Variants in TRPC7 observed in about 807,000 individuals in gnomAD.
TRPC7 encodes short transient receptor potential channel 7.
A neutral mutation model predicts 90.1 loss-of-function variants in TRPC7; 42 were observed. The observed-to-expected ratio is 0.47, with a 90% CI of 0.36 to 0.60. TRPC7 has a LOEUF of 0.60. Ranked by LOEUF, TRPC7 falls within the 20% of genes least tolerant of loss-of-function variation. TRPC7 has a pLI of 0.00. For synonymous variants in TRPC7, 451 were observed against 436.3 expected (o/e 1.03, Z -0.42); for missense variants, 955 against 1,112.3 (o/e 0.86, Z 2.01).
At chr5:136,279,940 G>A (rs1357427498) in intron 3 of TRPC7, among the ~76,000 whole-genome samples, 1 of 152,010 alleles carries the variant, frequency 6.6e-6, no homozygotes, top group Non-Finnish European at 1.5e-5. Context: ...ATCACTTGAG[G>A]TCAGGAATTC....
chr5:136,225,419 C>T (rs1755593974), intron 9 of TRPC7, 65 bp from the exon 10 acceptor site: 7 of 1,472,402 alleles, frequency 4.8e-6, no homozygotes, highest in Non-Finnish European at 6.5e-6. Flanking sequence ...CTACATATCT[C>T]GTAGGACTTG....
chr5:136,327,993 A>G (rs1759394881), intron 2 of TRPC7, among the ~76,000 whole-genome samples: 1 of 152,244 alleles, frequency 6.6e-6, no homozygotes, highest in Non-Finnish European at 1.5e-5. Context: ...GTTATGGCAG[A>G]TGAAAATTGA....
chr5:136,220,007 C>T (rs373695483), intron 10 of TRPC7, among the ~76,000 whole-genome samples: 8 of 152,316 alleles, frequency 5.3e-5, no homozygotes, highest in South Asian at 2.1e-4. Context: ...GTGACGATTT[C>T]ATGGACATTT....
chr5:136,292,413 GA>G, intron 3 of TRPC7, among the ~76,000 whole-genome samples: 1 of 152,144 alleles, frequency 6.6e-6, no homozygotes, highest in East Asian at 1.9e-4. Flanking sequence ...TAATAAAGAA[GA>G]AAAGAGAGAA....
At chr5:136,346,234 T>C (rs546611519) in intron 2 of TRPC7, among the ~76,000 whole-genome samples, 3 of 151,998 alleles carry the variant, frequency 2.0e-5, no homozygotes, top group Admixed American at 2.0e-4. Context: ...TGTAATAAAA[T>C]ATATATATAA....
intron 3 of TRPC7, among the ~76,000 whole-genome samples, chr5:136,307,497 C>A (rs1323383930): frequency 1.3e-5 from 2 of 152,240 alleles, no homozygotes; most frequent in Non-Finnish European, 2.9e-5. Context: ...TGGTCTAGAG[C>A]AATACAACAC....
Position 136,274,726 on chromosome 5 carries a change from A to C in TRPC7, c.1075T>G (p.Ser359Ala). 1 of 1,613,102 alleles carries C rather than the reference A, an allele frequency of 6.2e-7. No homozygotes were observed. Among genetic ancestry groups the C allele is most frequent in the Non-Finnish European group, 8.5e-7 (1 of 1,179,626 alleles). The change falls in exon 4 of 12, where the codon TCC (serine) becomes GCC (alanine). Residue 359 changes from serine to alanine, a missense_variant. This residue lies in a region of TRPC7 where 484 missense variants were observed against 509.6 expected (regional missense o/e 0.95). Coordinates refer to ENST00000513104, the MANE Select transcript of TRPC7 (RefSeq NM_020389.3). Reference protein sequence around the residue: ...AVKFLAVFGVSIGLPFLAIAY... With the variant: ...AVKFLAVFGVAIGLPFLAIAY... Reference sequence around the variant, plus strand: ...ATGGCGAGAAAAGGGAGGCCTATGGAGACTCCAAAGACAGCCAGGAATTTC... The same window carrying C: ...ATGGCGAGAAAAGGGAGGCCTATGGCGACTCCAAAGACAGCCAGGAATTTC...
intron 3 of TRPC7, among the ~76,000 whole-genome samples, chr5:136,300,052 T>C (rs1758321935): frequency 6.6e-6 from 1 of 152,150 alleles, no homozygotes; most frequent in Non-Finnish European, 1.5e-5. Flanking sequence ...AGAAGAAAAA[T>C]GCTTTAAAGG....
chr5:136,338,344 AT>A (rs1477957530), intron 2 of TRPC7, among the ~76,000 whole-genome samples: 4 of 152,118 alleles, frequency 2.6e-5, no homozygotes, highest in African/African-American at 7.2e-5. Flanking sequence ...AATTTTATCT[AT>A]TTTTTTCTTA....
intron 3 of TRPC7, among the ~76,000 whole-genome samples, chr5:136,287,322 C>T (rs1024241472): frequency 6.6e-6 from 1 of 151,730 alleles, no homozygotes; most frequent in Non-Finnish European, 1.5e-5. Context: ...ATATCACATG[C>T]AGGCTTTTTG....
intron 3 of TRPC7, among the ~76,000 whole-genome samples, chr5:136,293,925 A>G (rs1263667775): frequency 1.3e-5 from 2 of 152,250 alleles, no homozygotes; most frequent in African/African-American, 4.8e-5. Flanking sequence ...ACAGCATGAT[A>G]CTAGTACCAA....
chr5:136,258,891 G>T (rs770487791), intron 5 of TRPC7, among the ~76,000 whole-genome samples: 2 of 152,150 alleles, frequency 1.3e-5, no homozygotes, highest in Admixed American at 1.3e-4. Context: ...GTTTGAACTC[G>T]CAGGAGAGAG....
intron 3 of TRPC7, among the ~76,000 whole-genome samples, chr5:136,308,011 A>C (rs983088070): frequency 6.6e-6 from 1 of 152,198 alleles, no homozygotes; most frequent in African/African-American, 2.4e-5. Flanking sequence ...GATGACTAGC[A>C]AGTGAAGAAC....
intron 2 of TRPC7, among the ~76,000 whole-genome samples, chr5:136,320,747 A>T (rs1561717753): frequency 6.6e-6 from 1 of 151,716 alleles, no homozygotes; most frequent in Non-Finnish European, 1.5e-5. Flanking sequence ...TGTGGACCAG[A>T]CCTTTACACT....
At chr5:136,283,000 T>C (rs1757592850) in intron 3 of TRPC7, among the ~76,000 whole-genome samples, 1 of 152,210 alleles carries the variant, frequency 6.6e-6, no homozygotes, top group Non-Finnish European at 1.5e-5. Context: ...TATGTATTCC[T>C]ACTCAAGTCA....
At chr5:136,285,326 A>G (rs1480067892) in intron 3 of TRPC7, among the ~76,000 whole-genome samples, 1 of 152,194 alleles carries the variant, frequency 6.6e-6, no homozygotes. Flanking sequence ...ACTCCCATGT[A>G]CAAAGAGCAG....
chr5:136,313,451 A>G (rs990707480), intron 3 of TRPC7, among the ~76,000 whole-genome samples: 1 of 152,178 alleles, frequency 6.6e-6, no homozygotes. Context: ...CAGTGCATTT[A>G]AGTAGGTCTT....
At chr5:136,324,983 A>G (rs953035727) in intron 2 of TRPC7, among the ~76,000 whole-genome samples, 5 of 152,214 alleles carry the variant, frequency 3.3e-5, no homozygotes, top group South Asian at 2.1e-4. Context: ...GAAAGCTCCA[A>G]TTGAAATACT....
intron 2 of TRPC7, among the ~76,000 whole-genome samples, chr5:136,329,045 C>T (rs1044304223): frequency 5.3e-5 from 8 of 152,246 alleles, no homozygotes; most frequent in Non-Finnish European, 1.2e-4. Flanking sequence ...AGTGCTTCTG[C>T]TGGCACATTG....
Sources: gnomAD v4.1 joint callset for allele counts (sites outside exome capture counted in the v4.1 genomes callset) on GRCh38, gnomAD v4.1.1 for gene constraint, gnomAD v4.1.1 regional missense constraint, MANE v1.5 for transcripts, NCBI Gene and HGNC (gene_info 2026-07-23, HGNC 2026-07-21) for gene names.